The following STARD13 variants were observed in gnomAD, a reference collection of about 807,000 sequenced individuals.
STARD13 encodes the protein StAR related lipid transfer domain containing 13.
In STARD13, 62 loss-of-function variants were observed where a neutral mutation model predicts 106.4. The observed-to-expected ratio is 0.58, with a 90% CI of 0.48 to 0.72. The LOEUF is 0.72. Among genes scored for constraint, STARD13 ranks in the 30% least tolerant of loss-of-function variants. The pLI, the probability that STARD13 is intolerant of heterozygous loss-of-function variation, is 0.00. For missense variants in STARD13, 1,387 were observed against 1,424.0 expected (o/e 0.97, Z 0.42); for synonymous variants, 565 against 553.0 (o/e 1.02, Z -0.31).
At chr13:33,538,832 T>A in the STARD13 span, among the ~76,000 whole-genome samples, 30 of 151,862 alleles carry the variant, frequency 2.0e-4, no homozygotes, top group Admixed American at 6.6e-5. Flanking sequence ...TGCAGTGTTA[T>A]AATCTCGGCT....
At chr13:33,232,635 T>C (rs1888981136) in intron 1 of STARD13, among the ~76,000 whole-genome samples, 1 of 152,246 alleles carries the variant, frequency 6.6e-6, no homozygotes, top group African/African-American at 2.4e-5. Context: ...ACGACGTGTA[T>C]CTGAAACCAG....
the STARD13 span, among the ~76,000 whole-genome samples, chr13:33,443,888 CAAAAAAAAAAAAA>C: frequency 2.0e-5 from 1 of 50,188 alleles, no homozygotes; most frequent in African/African-American, 6.2e-5. Flanking sequence ...GACTCAGTCT[CAAAAAAAAAAAAA>C]AAAAAAAAAG....
At chr13:33,483,632 A>G in the STARD13 span, among the ~76,000 whole-genome samples, 1 of 152,186 alleles carries the variant, frequency 6.6e-6, no homozygotes, top group Admixed American at 6.5e-5. Flanking sequence ...ATTATTCATC[A>G]TGATTGCTTC....
chr13:33,607,585 C>T, the STARD13 span, among the ~76,000 whole-genome samples: 1 of 151,900 alleles, frequency 6.6e-6, no homozygotes, highest in African/African-American at 2.4e-5. Flanking sequence ...TGTGAGCCAC[C>T]ACGCCTGGCC....
At chr13:33,417,066 T>G in the STARD13 span, among the ~76,000 whole-genome samples, 6 of 152,264 alleles carry the variant, frequency 3.9e-5, no homozygotes, top group East Asian at 1.2e-3. Context: ...AAGGAGGAAT[T>G]GAACAGATAT....
At chr13:33,284,346 A>G (rs1891947976) in intron 1 of STARD13, among the ~76,000 whole-genome samples, 1 of 152,224 alleles carries the variant, frequency 6.6e-6, no homozygotes, top group Non-Finnish European at 1.5e-5. Context: ...ACATTACAAT[A>G]AGATTTTCAT....
the STARD13 span, among the ~76,000 whole-genome samples, chr13:33,654,184 A>G: frequency 2.0e-5 from 3 of 152,208 alleles, no homozygotes; most frequent in Non-Finnish European, 4.4e-5. Context: ...CACAAGACAA[A>G]TGAAAACATG....
intron 1 of STARD13, among the ~76,000 whole-genome samples, chr13:33,269,302 G>A (rs549215219): frequency 3.7e-4 from 56 of 152,270 alleles, no homozygotes; most frequent in African/African-American, 1.3e-3. Context: ...ACACGTTAAG[G>A]AATATGTTTA....
At chr13:33,383,842 G>C in the STARD13 span, among the ~76,000 whole-genome samples, 1 of 151,066 alleles carries the variant, frequency 6.6e-6, no homozygotes, top group East Asian at 1.9e-4. Flanking sequence ...TCATGCACCT[G>C]GTACTTTTCT....
At chr13:33,190,665 C>A (rs1680641489) in intron 1 of STARD13, among the ~76,000 whole-genome samples, 1 of 151,074 alleles carries the variant, frequency 6.6e-6, no homozygotes, top group African/African-American at 2.4e-5. Flanking sequence ...TGGCTCACTG[C>A]AACCTCCGCC....
chr13:33,144,047 T>C (rs585081), intron 3 of STARD13, among the ~76,000 whole-genome samples: 71,585 of 152,006 alleles, frequency 0.47, 17,029 homozygotes, highest in East Asian at 0.58. Flanking sequence ...GTACTTGCCC[T>C]TTAACTATTA....
At chr13:33,221,582 A>G (rs1280031876) in intron 1 of STARD13, among the ~76,000 whole-genome samples, 1 of 152,012 alleles carries the variant, frequency 6.6e-6, no homozygotes, top group African/African-American at 2.4e-5. Context: ...TGTTCGGCCA[A>G]CTCAGCTCCT....
intron 1 of STARD13, among the ~76,000 whole-genome samples, chr13:33,172,706 G>C (rs1884112306): frequency 6.6e-6 from 1 of 152,112 alleles, no homozygotes; most frequent in Non-Finnish European, 1.5e-5. Context: ...TTTTTCAATA[G>C]CTCACTGAAA....
At chr13:33,619,891 C>T in the STARD13 span, among the ~76,000 whole-genome samples, 1 of 152,106 alleles carries the variant, frequency 6.6e-6, no homozygotes, top group South Asian at 2.1e-4. Context: ...GGTGAAACCT[C>T]ATCTCTACTA....
chr13:33,666,710 C>T, the STARD13 span, among the ~76,000 whole-genome samples: 3 of 152,168 alleles, frequency 2.0e-5, no homozygotes, highest in African/African-American at 7.2e-5. Context: ...ACTGCCTCAG[C>T]CTCCCAAGTA....
At chr13:33,115,180 C>A (rs1164069420) in intron 8 of STARD13, among the ~76,000 whole-genome samples, 1 of 152,178 alleles carries the variant, frequency 6.6e-6, no homozygotes, top group African/African-American at 2.4e-5. Context: ...ACCCATCCAA[C>A]ACTCCAATTT....
At chr13:33,267,991 TCTGAAAGATTCTGTG>T (rs1890980890) in intron 1 of STARD13, among the ~76,000 whole-genome samples, 1 of 152,152 alleles carries the variant, frequency 6.6e-6, no homozygotes, top group Non-Finnish European at 1.5e-5. Context: ...AAGGCAAATG[TCTGAAAGATTCTGTG>T]CTTCGTTTTG....
intron 1 of STARD13, among the ~76,000 whole-genome samples, chr13:33,177,849 GGAAGGAAGGAAGGAAGGAAGGAAGGAAA>G: frequency 7.6e-5 from 1 of 13,192 alleles, no homozygotes; most frequent in African/African-American, 8.2e-4. Flanking sequence ...AGGAAAGGAA[GGAAGGAAGGAAGGAAGGAAGGAAGGAAA>G]GGAAGGAAGG....
At chr13:33,664,579 A>G in the STARD13 span, among the ~76,000 whole-genome samples, 1 of 152,128 alleles carries the variant, frequency 6.6e-6, no homozygotes, top group Non-Finnish European at 1.5e-5. Context: ...AAATTGACAC[A>G]AGTCAGTTGC....
Sources: gnomAD v4.1 joint callset for allele counts (sites outside exome capture counted in the v4.1 genomes callset) on GRCh38, gnomAD v4.1.1 for gene constraint, MANE v1.5 for transcripts, NCBI Gene and HGNC (gene_info 2026-07-23, HGNC 2026-07-21) for gene names.